CLIC6: variants seen among roughly 807,000 people sequenced by gnomAD.
CLIC6 encodes the protein CLIC family member 6, also known as chloride intracellular channel protein 6.
CLIC6 carries 39 observed loss-of-function variants against 49.2 expected under a neutral mutation model. The ratio of observed to expected loss-of-function variants is 0.79; its 90% CI spans 0.61 to 1.04. The LOEUF (loss-of-function observed/expected upper bound fraction) is 1.04, where lower values mean the gene tolerates loss of function less well. Among genes scored for constraint, CLIC6 ranks in the 50% least tolerant of loss-of-function variants. The pLI is 0.00. For missense variants in CLIC6, 988 were observed against 993.1 expected, an observed-to-expected ratio of 0.99 and a Z score of 0.07; for synonymous variants, 446 against 433.4, an observed-to-expected ratio of 1.03 and a Z score of -0.36.
chr21:34,684,893 T>G (rs1259454798), intron 1 of CLIC6, among the ~76,000 whole-genome samples: 1 of 152,206 alleles, frequency 6.6e-6, no homozygotes, highest in Non-Finnish European at 1.5e-5. Flanking sequence ...GGCAACACAG[T>G]GCTGATGAAG....
chr21:34,670,616 G>T lies in CLIC6; in HGVS notation c.1228G>T (p.Glu410Ter). 1 of 1,546,710 alleles carries T rather than the reference G, an allele frequency of 6.5e-7. No individual in the cohort carries two copies. Among genetic ancestry groups the T allele is most frequent in the Non-Finnish European group, 8.7e-7 (1 of 1,147,138 alleles). Residue 410 changes from glutamate to a stop codon, truncating the protein, a stop_gained, in exon 1 of 6, where the codon GAG becomes TAG. Coordinates refer to ENST00000349499, the MANE Select transcript of CLIC6 (RefSeq NM_053277.3). LOFTEE classifies it high-confidence loss of function. ...GEASRGAAEPEAQLSNHLAEE... is the reference protein window; with the variant it reads ...GEASRGAAEP Reference sequence around the variant, plus strand: ...GGCCTCCAGGGGCGCCGCGGAGCCTGAGGCCCAGCTCAGCAACCACCTGGC... The same window carrying T: ...GGCCTCCAGGGGCGCCGCGGAGCCTTAGGCCCAGCTCAGCAACCACCTGGC...
intron 1 of CLIC6, among the ~76,000 whole-genome samples, chr21:34,679,689 G>A (rs746294342): frequency 3.9e-5 from 6 of 152,240 alleles, no homozygotes; most frequent in Non-Finnish European, 8.8e-5. Flanking sequence ...CCAAGTGGGA[G>A]AAGTTGGCCA....
At chr21:34,692,799 G>A (rs765562629) in intron 1 of CLIC6, among the ~76,000 whole-genome samples, 9 of 152,138 alleles carry the variant, frequency 5.9e-5, no homozygotes, top group Admixed American at 2.6e-4. Context: ...GTGCCTCCCC[G>A]GACCCCCACC....
At chr21:34,706,466 C>T (rs1309181468) in intron 1 of CLIC6, among the ~76,000 whole-genome samples, 1 of 152,194 alleles carries the variant, frequency 6.6e-6, no homozygotes, top group African/African-American at 2.4e-5. Flanking sequence ...AACCATATCA[C>T]TTATATTCAG....
rs1245058826 is a variant in CLIC6, at chr21:34,669,702, C to T, written c.314C>T (p.Ala105Val). The T allele has an allele frequency of 2.2e-6, 3 of 1,364,874 alleles. No individual in the cohort carries two copies. The highest frequency in any genetic ancestry group is 3.1e-5 in the East Asian group (1 of 32,412). The allele number at this position is 1,364,874 out of a possible 1,614,324, so 84.5% of individuals were successfully genotyped here. The change falls in exon 1 of 6, where the codon GCG becomes GTG. Residue 105 changes from alanine to valine, a missense_variant. This residue lies in a region of CLIC6 where 284 missense variants were observed against 278.6 expected (regional missense o/e 1.02). Coordinates refer to ENST00000349499, the MANE Select transcript of CLIC6 (RefSeq NM_053277.3). ...CAAGGAGGGGAGGAGACAAGCGGCG[C>T]GCAGCAGGTGGAGGGGGCGAGCCCG... ...VPQGGEETSG[A>V]QQVEGASPGR...
chr21:34,689,485 C>T (rs573034877), intron 1 of CLIC6, among the ~76,000 whole-genome samples: 1 of 152,246 alleles, frequency 6.6e-6, no homozygotes, highest in East Asian at 1.9e-4. Context: ...CACTACCATT[C>T]GGAGTATTAT....
At position 34,669,330 on chromosome 21, in the gene CLIC6, C is replaced by T; in HGVS notation, c.-59C>T. 1 of 1,216,612 alleles carries T rather than the reference C, an allele frequency of 8.2e-7. No homozygotes were observed. The highest frequency in any genetic ancestry group is 1.0e-6 in the Non-Finnish European group (1 of 973,942). 75.4% of individuals were successfully genotyped at this position (1,216,612 alleles called of 1,614,324 possible). ...CCGTAGCACGCCCCTTGCCCAGCGC[C>T]ACCGACCCTTAAGCAGCGTCAAGGA... On this transcript the variant is annotated 5_prime_UTR_variant, in exon 1 of 6. Transcript: ENST00000349499.
chr21:34,716,857 C>G lies in CLIC6; in HGVS notation c.*375C>G. 7.4e-6 allele frequency: 1 copy of G among 135,454 alleles called. No individual in the cohort carries two copies. The highest frequency in any genetic ancestry group is 1.8e-4 in the South Asian group (1 of 5,710). 8.4% of individuals were successfully genotyped at this position (135,454 alleles called of 1,614,324 possible). On this transcript the variant is annotated 3_prime_UTR_variant, in exon 6 of 6. Coordinates refer to ENST00000349499, the MANE Select transcript of CLIC6 (RefSeq NM_053277.3). ...TCTCTCTCTCTCTCTCTCTCTCTCT[C>G]TCTATCACACACACACACACACACA... is the stretch of plus-strand genomic sequence containing the variant.
chr21:34,714,447 G>T (rs1457934580), intron 5 of CLIC6, among the ~76,000 whole-genome samples: 2 of 152,138 alleles, frequency 1.3e-5, no homozygotes, highest in Non-Finnish European at 2.9e-5. Flanking sequence ...CAGAACTTTG[G>T]GTGGCTGAGG....
chr21:34,693,028 C>A (rs763225559), intron 1 of CLIC6, among the ~76,000 whole-genome samples: 1 of 152,184 alleles, frequency 6.6e-6, no homozygotes, highest in African/African-American at 2.4e-5. Flanking sequence ...ATTTACCAAT[C>A]GTAAATTGCT....
intron 1 of CLIC6, among the ~76,000 whole-genome samples, chr21:34,679,988 C>T (rs931877876): frequency 6.6e-6 from 1 of 152,208 alleles, no homozygotes; most frequent in African/African-American, 2.4e-5. Context: ...GATGGTTGAC[C>T]TATTCTCACA....
chr21:34,707,725 T>C (rs2056025509), intron 2 of CLIC6, among the ~76,000 whole-genome samples: 1 of 152,212 alleles, frequency 6.6e-6, no homozygotes, highest in South Asian at 2.1e-4. Flanking sequence ...GATATGCCCC[T>C]TTGTGCTCCG....
intron 1 of CLIC6, among the ~76,000 whole-genome samples, chr21:34,702,915 C>T (rs1421303350): frequency 6.6e-6 from 1 of 152,200 alleles, no homozygotes; most frequent in Non-Finnish European, 1.5e-5. Context: ...ACTCTCTGGC[C>T]TCCCACACCT....
In CLIC6 at chr21:34,703,602, T is replaced by G. The variant is rs184445606; in HGVS notation, c.1375-3678T>G. On this transcript the variant is annotated intron_variant, in intron 1 of 5. Transcript: ENST00000349499. ...AAAAGAAGGAATTAAGAAAAAGGCCTTTTTTCTAAATTTGGGTAGAGTAAG... is the reference window on the plus strand; with the variant it reads ...AAAAGAAGGAATTAAGAAAAAGGCCGTTTTTCTAAATTTGGGTAGAGTAAG... Among the ~76,000 whole-genome samples the G allele has an allele frequency of 5.9e-3, 905 of 152,266 alleles. 9 individuals are homozygous for G. The highest frequency in any genetic ancestry group is 8.9e-3 in the Non-Finnish European group (603 of 68,018).
At chr21:34,710,985 G>A (rs917451356) in intron 5 of CLIC6, among the ~76,000 whole-genome samples, 3 of 152,102 alleles carry the variant, frequency 2.0e-5, no homozygotes, top group Non-Finnish European at 2.9e-5. Context: ...GCACAGCAGC[G>A]CTCCCAGCCG....
At chr21:34,702,322 G>T (rs1601281769) in intron 1 of CLIC6, among the ~76,000 whole-genome samples, 1 of 152,150 alleles carries the variant, frequency 6.6e-6, no homozygotes, top group Non-Finnish European at 1.5e-5. Context: ...CAATCTCTGG[G>T]TCCTGTCTTG....
intron 1 of CLIC6, among the ~76,000 whole-genome samples, chr21:34,702,057 G>C (rs909374112): frequency 1.3e-5 from 2 of 152,202 alleles, no homozygotes; most frequent in African/African-American, 2.4e-5. Context: ...GGGAGGAGCT[G>C]TGAGGCACTT....
At chr21:34,674,622 A>G (rs765009273) in intron 1 of CLIC6, among the ~76,000 whole-genome samples, 3 of 152,220 alleles carry the variant, frequency 2.0e-5, no homozygotes, top group Non-Finnish European at 4.4e-5. Flanking sequence ...ATATAGAACC[A>G]GCCAAGAAAG....
intron 1 of CLIC6, among the ~76,000 whole-genome samples, chr21:34,688,253 A>G (rs371141938): frequency 3.8e-4 from 58 of 152,326 alleles, no homozygotes; most frequent in Middle Eastern, 6.8e-3. Flanking sequence ...AATTCTCATC[A>G]GTGTGGCCGC....
Sources: gnomAD v4.1 joint callset for allele counts (sites outside exome capture counted in the v4.1 genomes callset) on GRCh38, gnomAD v4.1.1 for gene constraint, gnomAD v4.1.1 regional missense constraint, MANE v1.5 for transcripts, NCBI Gene and HGNC (gene_info 2026-07-23, HGNC 2026-07-21) for gene names.